The following CEBPZOS variants were observed in gnomAD, a reference collection of about 807,000 sequenced individuals.
CEBPZOS encodes protein CEBPZOS.
Under a neutral mutation model 4.8 loss-of-function variants are expected in CEBPZOS, and 10 were observed. The ratio of observed to expected loss-of-function variants is 2.07; its 90% confidence interval spans 1.28 to 3.52. The LOEUF is 3.52. Ranked by LOEUF, CEBPZOS falls within the 30% of genes most tolerant of loss-of-function variation. The pLI, the probability that CEBPZOS is intolerant of heterozygous loss-of-function variation, is 0.00. For missense variants in CEBPZOS, 98 were observed against 43.6 expected, an observed-to-expected ratio of 2.25 and a Z score of -3.51; for synonymous variants, 25 against 14.2, an observed-to-expected ratio of 1.77 and a Z score of -1.72.
intron 4 of CEBPZOS, chr2:37,209,884 T>A (rs1001349534): frequency 6.6e-6 from 1 of 152,120 alleles, no homozygotes; most frequent in Non-Finnish European, 1.5e-5. Flanking sequence ...ACTATGCATC[T>A]GAGAAAGGAC....
downstream of CEBPZOS, among the ~76,000 whole-genome samples, chr2:37,207,444 A>G (rs759446111): frequency 1.9e-4 from 29 of 152,232 alleles, no homozygotes; most frequent in Non-Finnish European, 2.5e-4. Context: ...CTGAAATTGT[A>G]TCAAGTACCC....
chr2:37,211,776 A>T, intron 4 of CEBPZOS: 1 of 1,245,378 alleles, frequency 8.0e-7, no homozygotes, highest in Non-Finnish European at 1.1e-6. Flanking sequence ...CCTTTAGCAG[A>T]AAAACAAACT....
In CEBPZOS at chr2:37,202,277, T is replaced by C. The variant is rs1341666859; in HGVS notation, c.*417T>C. 6.1e-6 allele frequency: 1 copy of C among 164,182 alleles called. No homozygotes were observed. The highest frequency in any genetic ancestry group is 1.3e-5 in the Non-Finnish European group (1 of 76,796). 10.2% of individuals were successfully genotyped at this position (164,182 alleles called of 1,614,324 possible). A position where few individuals can be genotyped will look rare whatever the true frequency, so the allele number is the denominator to read the frequency against. ...TTGCTTTAGTCTAAATACTTGTTAA[T>C]CTTACATGTTCTCCTGAGAGAAGAA... On this transcript the variant is annotated 3_prime_UTR_variant, in exon 5 of 5. Transcript: ENST00000402297.
In CEBPZOS at chr2:37,202,625, A is replaced by C; in HGVS notation, c.*765A>C. ...ATGCCACTGCATTCCAACCTGGGCA[A>C]GGGAGTGAGACGCTGTCTCAAAAAA... On this transcript the variant is annotated 3_prime_UTR_variant, in exon 5 of 5. Coordinates refer to ENST00000402297, the MANE Select transcript of CEBPZOS (RefSeq NM_001322374.2). The C allele has an allele frequency of 2.4e-6, 1 of 410,660 alleles. No individual in the cohort carries two copies. Among genetic ancestry groups the C allele is most frequent in the Non-Finnish European group, 4.0e-6 (1 of 247,664 alleles). The allele number at this position is 410,660 out of a possible 1,614,324, so 25.4% of individuals were successfully genotyped here. A position where few individuals can be genotyped will look rare whatever the true frequency, so the allele number is the denominator to read the frequency against.
downstream of CEBPZOS, chr2:37,213,758 A>T: frequency 1.4e-6 from 1 of 715,736 alleles, no homozygotes; most frequent in Non-Finnish European, 2.3e-6. Context: ...TGATATTCTT[A>T]GCTAAGTGAT....
chr2:37,215,199 A>G (rs1677839673), downstream of CEBPZOS: 1 of 300,188 alleles, frequency 3.3e-6, no homozygotes, highest in South Asian at 1.3e-4. Flanking sequence ...CAGTGCCGTT[A>G]CAGTGAAACA....
intron 2 of CEBPZOS, among the ~76,000 whole-genome samples, chr2:37,200,460 TTTC>T (rs1436756417): frequency 6.6e-6 from 1 of 152,136 alleles, no homozygotes; most frequent in African/African-American, 2.4e-5. Context: ...AAAAATCCCT[TTTC>T]TTTTAAACTC....
downstream of CEBPZOS, chr2:37,215,539 G>A (rs1677847257): frequency 6.6e-6 from 1 of 152,240 alleles, no homozygotes; most frequent in South Asian, 2.1e-4. Flanking sequence ...TTACATCTCT[G>A]GACCTCTGTG....
intron 4 of CEBPZOS, chr2:37,211,194 T>C: frequency 1.6e-6 from 1 of 613,342 alleles, no homozygotes; most frequent in Non-Finnish European, 2.7e-6. Flanking sequence ...TATACTGCTA[T>C]TCCATGTGGG....
chr2:37,197,235 C>G (rs1467738520), intron 1 of CEBPZOS: 2 of 152,346 alleles, frequency 1.3e-5, no homozygotes, highest in Non-Finnish European at 2.9e-5. Context: ...GTAAACCTCA[C>G]TTCTTTGTGG....
At position 37,202,675 on chromosome 2, in the gene CEBPZOS, AAAAAAAAAAAAAAAAAAGAAT is replaced by A. The variant is rs1677324787; in HGVS notation, c.*819_*839del. The stretch of plus-strand genomic sequence containing the variant: ...AAAAAAAAAAAAAAAAAAAAAAAAA[AAAAAAAAAAAAAAAAAAGAAT>A]AAATAAAATAACGAAAATTTCCTAT... On this transcript the variant is annotated 3_prime_UTR_variant, in exon 5 of 5. Transcript: ENST00000402297. The A allele has an allele frequency of 5.0e-6, 1 of 198,520 alleles. No homozygotes were observed. The highest frequency in any genetic ancestry group is 9.0e-6 in the Non-Finnish European group (1 of 111,458). 12.3% of individuals were successfully genotyped at this position (198,520 alleles called of 1,614,324 possible).
At chr2:37,215,010 A>G, downstream of CEBPZOS, 1 of 1,101,826 alleles carries the variant, frequency 9.1e-7, no homozygotes. Context: ...TATGTTACTC[A>G]AGCTCTTAAG....
Position 37,203,224 on chromosome 2 carries a change from G to A in CEBPZOS, c.*1364G>A. On this transcript the variant is annotated 3_prime_UTR_variant, in exon 5 of 5. Coordinates refer to ENST00000402297, the MANE Select transcript of CEBPZOS (RefSeq NM_001322374.2). ...AACATCCTAATAGAACTGTTCAGAT[G>A]ACAAGAGTGTCTTCTTGCTTTTCAG... 1 of 334,546 alleles carries A rather than the reference G, an allele frequency of 3.0e-6. No individual in the cohort carries two copies. Among genetic ancestry groups the A allele is most frequent in the Non-Finnish European group, 5.4e-6 (1 of 185,216 alleles). 20.7% of individuals were successfully genotyped at this position (334,546 alleles called of 1,614,324 possible).
chr2:37,205,564 C>G (rs1677508870), downstream of CEBPZOS, among the ~76,000 whole-genome samples: 1 of 152,208 alleles, frequency 6.6e-6, no homozygotes, highest in Non-Finnish European at 1.5e-5. Context: ...CCCGCCTGCA[C>G]CCAGGTGAAA....
intron 3 of CEBPZOS, 140 bp from the exon 4 acceptor site, chr2:37,201,502 T>A: frequency 3.4e-6 from 2 of 594,904 alleles, no homozygotes. Flanking sequence ...AGGACTTATA[T>A]GTGAAGTCTG....
intron 3 of CEBPZOS, 193 bp downstream of exon 3, chr2:37,201,285 GGT>G: frequency 1.8e-6 from 1 of 551,864 alleles, no homozygotes; most frequent in South Asian, 2.4e-5. Context: ...TTCTTCTAGT[GGT>G]TAAGAATGTA....
intron 4 of CEBPZOS, chr2:37,211,644 C>A: frequency 2.0e-6 from 1 of 492,884 alleles, no homozygotes; most frequent in Non-Finnish European, 3.5e-6. Context: ...CAAAAAGCTG[C>A]TTAAAAGAAA....
In CEBPZOS at chr2:37,202,242, T is replaced by C. The variant is rs562489487; in HGVS notation, c.*382T>C. ...AGTAATTTTTGTAGTCTGCAAGGTT[T>C]TTTTTTTTTTTGCTTTAGTCTAAAT... On this transcript the variant is annotated 3_prime_UTR_variant, in exon 5 of 5. Transcript: ENST00000402297. The C allele has an allele frequency of 1.6e-4, 28 of 174,530 alleles. No homozygotes were observed. The highest frequency in any genetic ancestry group is 6.0e-4 in the African/African-American group (25 of 41,366). The allele number at this position is 174,530 out of a possible 1,614,324, so 10.8% of individuals were successfully genotyped here.
chr2:37,207,223 C>T (rs1004120514), downstream of CEBPZOS, among the ~76,000 whole-genome samples: 1 of 152,212 alleles, frequency 6.6e-6, no homozygotes, highest in African/African-American at 2.4e-5. Context: ...CAATACTCCA[C>T]TGACAGCCCT....
Sources: allele counts gnomAD v4.1 joint callset (sites outside exome capture counted in the v4.1 genomes callset), GRCh38; gene constraint gnomAD v4.1.1; transcripts MANE v1.5; gene names NCBI Gene and HGNC (gene_info 2026-07-23, HGNC 2026-07-21).